KLF8: variants seen among roughly 807,000 people sequenced by gnomAD.
KLF8 encodes the protein Krueppel-like factor 8.
In KLF8, 10 loss-of-function variants were observed where a neutral mutation model predicts 18.2. The ratio of observed to expected loss-of-function variants is 0.55; its 90% confidence interval spans 0.34 to 0.93. The LOEUF is 0.93. Ranked by LOEUF, KLF8 falls within the 40% of genes least tolerant of loss-of-function variation. KLF8 has a pLI of 0.02. For missense variants in KLF8, 264 were observed against 277.9 expected, an observed-to-expected ratio of 0.95 and a Z score of 0.36; for synonymous variants, 109 against 97.3, an observed-to-expected ratio of 1.12 and a Z score of -0.71.
At chrX:56,032,713 G>T in the KLF8 span, among the ~76,000 whole-genome samples, 3 of 112,156 alleles carry the variant, frequency 2.7e-5, no homozygotes, top group African/African-American at 9.7e-5. Context: ...ATAGCAATTT[G>T]TTTATCCATT....
At chrX:56,123,253 AAAAGAAAGAAAGAAAGAAAAAGAAAG>A in the KLF8 span, among the ~76,000 whole-genome samples, 1 of 90,009 alleles carries the variant, frequency 1.1e-5, no homozygotes, top group Non-Finnish European at 2.1e-5. Flanking sequence ...AAAAGAAAGA[AAAAGAAAGAAAGAAAGAAAAAGAAAG>A]AAAGAAAGAA....
At chrX:56,243,728 G>A (rs763371222) in intron 1 of KLF8, among the ~76,000 whole-genome samples, 1 of 108,512 alleles carries the variant, frequency 9.2e-6, no homozygotes, top group African/African-American at 3.4e-5. Context: ...TAGAGACAGG[G>A]TTTCACCATG....
At chrX:56,180,424 G>C in the KLF8 span, among the ~76,000 whole-genome samples, 1 of 110,665 alleles carries the variant, frequency 9.0e-6, no homozygotes, top group Non-Finnish European at 1.9e-5. Context: ...CTCTGGATTC[G>C]TTTATTTTTT....
At chrX:55,954,513 A>T in the KLF8 span, among the ~76,000 whole-genome samples, 1 of 111,917 alleles carries the variant, frequency 8.9e-6, no homozygotes, top group South Asian at 3.7e-4. Flanking sequence ...TCACCAGGAT[A>T]GCCATAATAG....
At chrX:55,929,633 C>T in the KLF8 span, among the ~76,000 whole-genome samples, 1 of 111,326 alleles carries the variant, frequency 9.0e-6, no homozygotes, top group Admixed American at 9.6e-5. Flanking sequence ...GAATCCTATC[C>T]CCATTGCTTG....
At chrX:56,116,263 C>A in the KLF8 span, among the ~76,000 whole-genome samples, 1 of 112,397 alleles carries the variant, frequency 8.9e-6, no homozygotes, top group African/African-American at 3.2e-5. Flanking sequence ...TGAGGAGGAT[C>A]CAGCCCGGGA....
chrX:56,189,586 CATT>C, the KLF8 span, among the ~76,000 whole-genome samples: 2 of 110,704 alleles, frequency 1.8e-5, no homozygotes, highest in Admixed American at 9.6e-5. Context: ...TTTATTGTGG[CATT>C]ATTCACAATA....
the KLF8 span, among the ~76,000 whole-genome samples, chrX:56,020,389 C>T: frequency 9.8e-5 from 11 of 111,932 alleles, no homozygotes; most frequent in African/African-American, 3.6e-4. Flanking sequence ...TGTCTAGAGG[C>T]TTTTGTGATA....
chrX:56,006,130 C>T, the KLF8 span, among the ~76,000 whole-genome samples: 1 of 112,269 alleles, frequency 8.9e-6, no homozygotes, highest in South Asian at 3.7e-4. Flanking sequence ...TTACACATCC[C>T]TGGCCATGCT....
chrX:56,090,372 A>T, the KLF8 span, among the ~76,000 whole-genome samples: 1 of 111,782 alleles, frequency 8.9e-6, no homozygotes, highest in African/African-American at 3.2e-5. Flanking sequence ...GGTTTTCATT[A>T]AAAAAAATTA....
intron 1 of KLF8, among the ~76,000 whole-genome samples, chrX:56,250,004 A>G (rs1378728338): frequency 3.6e-5 from 4 of 111,848 alleles, no homozygotes; most frequent in Non-Finnish European, 7.5e-5. Flanking sequence ...AGGAAGAAAC[A>G]GATTACCTGC....
chrX:55,995,678 C>T, the KLF8 span, among the ~76,000 whole-genome samples: 1 of 112,103 alleles, frequency 8.9e-6, no homozygotes, highest in African/African-American at 3.2e-5. Context: ...ATTTGGATTT[C>T]CTTTCATTAA....
the KLF8 span, among the ~76,000 whole-genome samples, chrX:55,987,734 T>A: frequency 2.7e-5 from 3 of 112,087 alleles, no homozygotes; most frequent in African/African-American, 9.7e-5. Flanking sequence ...GATGGCTGGG[T>A]CAAATTGTAT....
At chrX:56,003,731 C>T in the KLF8 span, among the ~76,000 whole-genome samples, 1 of 112,077 alleles carries the variant, frequency 8.9e-6, no homozygotes, top group Non-Finnish European at 1.9e-5. Flanking sequence ...TTTTACCGCT[C>T]TTCCTGGTGG....
chrX:56,188,139 C>G, the KLF8 span, among the ~76,000 whole-genome samples: 1 of 111,005 alleles, frequency 9.0e-6, no homozygotes, highest in Non-Finnish European at 1.9e-5. Context: ...TGTCTCAGCC[C>G]AAAATCTCCT....
At chrX:55,969,233 A>T in the KLF8 span, among the ~76,000 whole-genome samples, 1 of 112,198 alleles carries the variant, frequency 8.9e-6, no homozygotes, top group African/African-American at 3.2e-5. Flanking sequence ...ACATTTAAAA[A>T]TTGAGATAAT....
At chrX:55,960,586 G>GAGGAA in the KLF8 span, among the ~76,000 whole-genome samples, 1 of 52,781 alleles carries the variant, frequency 1.9e-5, no homozygotes, top group Admixed American at 3.0e-4. Flanking sequence ...GGAGGAGGAG[G>GAGGAA]AGAAGAAGGA....
At chrX:56,085,935 G>A in the KLF8 span, among the ~76,000 whole-genome samples, 1 of 111,882 alleles carries the variant, frequency 8.9e-6, no homozygotes, top group African/African-American at 3.2e-5. Flanking sequence ...AGTTCTGGTC[G>A]AAGTCAGTGA....
chrX:56,073,189 G>T, the KLF8 span, among the ~76,000 whole-genome samples: 3 of 110,559 alleles, frequency 2.7e-5, no homozygotes, highest in Non-Finnish European at 5.7e-5. Flanking sequence ...GGGTTTCACC[G>T]TGTTAGCCAG....
Sources: gnomAD v4.1 joint callset for allele counts (sites outside exome capture counted in the v4.1 genomes callset) on GRCh38, gnomAD v4.1.1 for gene constraint, MANE v1.5 for transcripts, NCBI Gene and HGNC (gene_info 2026-07-23, HGNC 2026-07-21) for gene names.